Variants in DAPK1 observed in about 807,000 individuals in gnomAD.
DAPK1 encodes death-associated protein kinase 1.
In DAPK1, 56 loss-of-function variants were observed where a neutral mutation model predicts 144.9. The ratio of observed to expected loss-of-function variants is 0.39; its 90% CI spans 0.31 to 0.48. The LOEUF is 0.48. Ranked by LOEUF, DAPK1 falls within the 20% of genes least tolerant of loss-of-function variation. The pLI, the probability that DAPK1 is intolerant of heterozygous loss-of-function variation, is 0.95. For missense variants in DAPK1, 1,454 were observed against 1,875.4 expected (o/e 0.78, Z 4.15); for synonymous variants, 690 against 749.0 (o/e 0.92, Z 1.29).
intron 2 of DAPK1, among the ~76,000 whole-genome samples, chr9:87,588,559 T>C (rs981534059): frequency 3.3e-5 from 5 of 152,292 alleles, no homozygotes; most frequent in African/African-American, 1.2e-4. Flanking sequence ...CTTTCACAGA[T>C]GGCAAATGGC....
At chr9:87,541,950 G>A (rs913380218) in intron 2 of DAPK1, among the ~76,000 whole-genome samples, 4 of 152,132 alleles carry the variant, frequency 2.6e-5, no homozygotes, top group Non-Finnish European at 4.4e-5. Context: ...GGTATTGATA[G>A]CAACACAGAA....
intron 2 of DAPK1, among the ~76,000 whole-genome samples, chr9:87,536,023 C>T (rs1825850274): frequency 6.6e-6 from 1 of 152,206 alleles, no homozygotes. Flanking sequence ...TACCTGTCCC[C>T]AGCCTCTTCC....
chr9:87,664,550 G>C (rs1429522968), intron 18 of DAPK1, among the ~76,000 whole-genome samples: 1 of 151,604 alleles, frequency 6.6e-6, no homozygotes, highest in African/African-American at 2.4e-5. Flanking sequence ...AGCCTCTCCG[G>C]TGTGTGTGAT....
intron 3 of DAPK1, among the ~76,000 whole-genome samples, chr9:87,606,649 C>CTCCT (rs1030853486): frequency 2.0e-5 from 2 of 101,150 alleles, no homozygotes; most frequent in African/African-American, 3.7e-5. Flanking sequence ...CCCTCCATCT[C>CTCCT]TCCTTCCTTC....
In DAPK1 at chr9:87,664,480, G is replaced by A. The variant is rs74597977; in HGVS notation, c.1924-4117G>A. 2.0e-3 allele frequency among the ~76,000 whole-genome samples: 308 copies of A among 152,262 alleles called. 6 individuals carry two copies. The East Asian group carries it at 0.056, about 28-fold the overall frequency. On this transcript the variant is annotated intron_variant, in intron 18 of 25. Transcript: ENST00000408954. Reference sequence around the variant, plus strand: ...CATAACATTCGGGGAAGACTCCGTGGCACCCACTCCTCCTCATCCATCAAC... The same window carrying A: ...CATAACATTCGGGGAAGACTCCGTGACACCCACTCCTCCTCATCCATCAAC...
At chr9:87,566,028 T>TTG (rs1827109038) in intron 2 of DAPK1, among the ~76,000 whole-genome samples, 2 of 151,062 alleles carry the variant, frequency 1.3e-5, no homozygotes, top group African/African-American at 4.9e-5. Flanking sequence ...TTCTTTTTTT[T>TTG]TTTTTTTTTT....
At chr9:87,571,463 A>C (rs1206547430) in intron 2 of DAPK1, among the ~76,000 whole-genome samples, 6 of 61,536 alleles carry the variant, frequency 9.8e-5, no homozygotes, top group African/African-American at 2.5e-4. Context: ...ACACACACAC[A>C]CACACACACA....
At chr9:87,535,572 AT>A (rs896540848) in intron 2 of DAPK1, among the ~76,000 whole-genome samples, 7 of 151,506 alleles carry the variant, frequency 4.6e-5, no homozygotes, top group African/African-American at 9.7e-5. Context: ...TATAAATGTG[AT>A]TTTTTTTTCT....
At position 87,651,639 on chromosome 9, in the gene DAPK1, C is replaced by T; in HGVS notation, c.1739C>T (p.Pro580Leu). 1 of 1,614,214 alleles carries T rather than the reference C, an allele frequency of 6.2e-7. No homozygotes were observed. Among genetic ancestry groups the T allele is most frequent in the Non-Finnish European group, 8.5e-7 (1 of 1,180,020 alleles). Residue 580 changes from proline (P) to leucine (L), a missense_variant, in exon 17 of 26, where the codon CCC becomes CTC. By Grantham distance (98) the Pro-to-Leu change is moderately conservative (BLOSUM62 -3). This residue lies in a region of DAPK1 where 1,025 missense variants were observed against 1,237.9 expected (regional missense o/e 0.83). Coordinates refer to ENST00000408954, the MANE Select transcript of DAPK1 (RefSeq NM_004938.4). The part of the protein sequence containing the change: ...VDYQDRHGNT[P>L]LHVACKDGNM... ...TATCAAGACAGGCACGGCAATACTC[C>T]CCTCCATGTGGCATGTAAAGATGGC...
At chr9:87,695,682 G>T (rs974383169) in intron 21 of DAPK1, among the ~76,000 whole-genome samples, 1 of 152,168 alleles carries the variant, frequency 6.6e-6, no homozygotes, top group Non-Finnish European at 1.5e-5. Context: ...GCTGAGCTCT[G>T]CATCTCACAC....
intron 2 of DAPK1, among the ~76,000 whole-genome samples, chr9:87,561,899 A>G (rs1054701888): frequency 6.6e-6 from 1 of 152,130 alleles, no homozygotes; most frequent in Admixed American, 6.5e-5. Context: ...CCAGGGTTCA[A>G]GCAAGGAGAA....
intron 2 of DAPK1, among the ~76,000 whole-genome samples, chr9:87,514,500 AC>A (rs1824971716): frequency 6.6e-6 from 1 of 152,200 alleles, no homozygotes; most frequent in African/African-American, 2.4e-5. Context: ...TTGTATAATT[AC>A]TTTCAAATGT....
intron 2 of DAPK1, among the ~76,000 whole-genome samples, chr9:87,537,510 G>A (rs1825899331): frequency 6.6e-6 from 1 of 152,086 alleles, no homozygotes; most frequent in Non-Finnish European, 1.5e-5. Flanking sequence ...CATGTGTGTA[G>A]TATGTGACAT....
chr9:87,566,032 T>C (rs1827109193), intron 2 of DAPK1, among the ~76,000 whole-genome samples: 1 of 151,074 alleles, frequency 6.6e-6, no homozygotes, highest in Non-Finnish European at 1.5e-5. Flanking sequence ...TTTTTTTTTT[T>C]TTTTTTGAGT....
chr9:87,542,057 GA>G (rs1826076802), intron 2 of DAPK1, among the ~76,000 whole-genome samples: 1 of 152,204 alleles, frequency 6.6e-6, no homozygotes, highest in South Asian at 2.1e-4. Flanking sequence ...GTTCTGATGA[GA>G]AAAAGTCAGG....
In DAPK1 at chr9:87,517,108, G is replaced by C. The variant is rs571183846; in HGVS notation, c.62+17969G>C. On this transcript the variant is annotated intron_variant, in intron 2 of 25. Coordinates refer to ENST00000408954, the MANE Select transcript of DAPK1 (RefSeq NM_004938.4). The stretch of plus-strand genomic sequence containing the variant: ...GGAACCACCTGCAGGGAGCCACCCA[G>C]GGTGGTGCAGTGTGTAGGAGAGTGA... Among the ~76,000 whole-genome samples the C allele has an allele frequency of 5.2e-5, 6 of 115,776 alleles. No homozygotes were observed. In the East Asian group the frequency reaches 1.4e-3, roughly 27 times the overall value. The allele number at this position is 115,776 out of a possible 152,430, so 76.0% of individuals were successfully genotyped here. A position where few individuals can be genotyped will look rare whatever the true frequency, so the allele number is the denominator to read the frequency against.
In DAPK1 at chr9:87,706,397, C is replaced by G. The variant is rs757979793; in HGVS notation, c.3326C>G (p.Thr1109Arg). ...TMVDVPALIK[T>R]DNLHRSWADE... ...GTGGACGTCCCAGCCCTGATCAAGA[C>G]AGACAACCTGCACCGCTCCTGGGCT... Residue 1109 changes from threonine to arginine, a missense_variant, in exon 26 of 26, where the codon ACA becomes AGA. By Grantham distance (71) the Thr-to-Arg change is moderately conservative. Around this residue, in one of 2 missense-constraint regions of DAPK1, gnomAD observed 1,025 missense variants for 1,237.9 expected, o/e 0.83. Coordinates refer to ENST00000408954, the MANE Select transcript of DAPK1 (RefSeq NM_004938.4). This position sits in a 1 kb window ranked among gnomAD's most constrained non-coding sequence, Gnocchi z 9.0. The G allele has an allele frequency of 6.2e-7, 1 of 1,612,370 alleles. No individual in the cohort carries two copies. The highest frequency in any genetic ancestry group is 8.5e-7 in the Non-Finnish European group (1 of 1,179,168).
At position 87,639,611 on chromosome 9, in the gene DAPK1, G is replaced by T; in HGVS notation, c.554-39G>T. The T allele has an allele frequency of 1.2e-6, 2 of 1,613,324 alleles. No individual in the cohort carries two copies. Among genetic ancestry groups the T allele is most frequent in the Non-Finnish European group, 1.7e-6 (2 of 1,179,384 alleles). On this transcript the variant is annotated intron_variant, in intron 5 of 25. Transcript: ENST00000408954. Reference sequence around the variant, plus strand: ...GCATGAAGATAGAATCGGTTAGTTTGCTTCCTCCCAAGCTAAATGAGTGTT... The same window carrying T: ...GCATGAAGATAGAATCGGTTAGTTTTCTTCCTCCCAAGCTAAATGAGTGTT...
intron 2 of DAPK1, among the ~76,000 whole-genome samples, chr9:87,594,619 T>A (rs757489262): frequency 6.6e-6 from 1 of 152,198 alleles, no homozygotes; most frequent in Non-Finnish European, 1.5e-5. Flanking sequence ...ACCACCATGC[T>A]CTTCCTTGGA....
Sources: gnomAD v4.1 joint callset for allele counts (sites outside exome capture counted in the v4.1 genomes callset) on GRCh38, gnomAD v4.1.1 for gene constraint, gnomAD v4.1.1 regional missense constraint, Gnocchi (gnomAD v3.1) non-coding constraint, MANE v1.5 for transcripts, NCBI Gene and HGNC (gene_info 2026-07-23, HGNC 2026-07-21) for gene names.